ATP2B2: variants seen among roughly 807,000 people sequenced by gnomAD.
The protein encoded by ATP2B2 is plasma membrane calcium-transporting ATPase 2.
A neutral mutation model predicts 120.0 loss-of-function variants in ATP2B2; 15 were observed. That is an observed-to-expected ratio of 0.12 (90% CI 0.08 to 0.19). ATP2B2 has a LOEUF of 0.19. Among genes scored for constraint, ATP2B2 ranks in the 10% least tolerant of loss-of-function variants. The pLI is 1.00. For missense variants in ATP2B2, 1,045 were observed against 1,719.8 expected (o/e 0.61, Z 6.94); for synonymous variants, 694 against 700.3 (o/e 0.99, Z 0.14).
At chr3:10,388,117 A>G in intron 6 of ATP2B2, 160 bp downstream of exon 6, 1 of 1,002,422 alleles carries the variant, frequency 1.0e-6, no homozygotes, top group East Asian at 2.5e-5. Context: ...GACAGAGCCT[A>G]CCTGGCCCAT....
chr3:10,540,337 A>AATACC (rs1018448195), intron 2 of ATP2B2, among the ~76,000 whole-genome samples: 3 of 152,234 alleles, frequency 2.0e-5, no homozygotes, highest in African/African-American at 7.2e-5. Flanking sequence ...TAGAACTAGA[A>AATACC]ATACCATTTG....
chr3:10,488,211 A>G (rs1343061852), intron 1 of ATP2B2, among the ~76,000 whole-genome samples: 8 of 146,724 alleles, frequency 5.5e-5, no homozygotes, highest in Non-Finnish European at 1.2e-4. Flanking sequence ...CTATCCATCC[A>G]TCCATCCATC....
chr3:10,371,745 C>T (rs2061248569), intron 12 of ATP2B2, 64 bp downstream of exon 12: 1 of 1,612,738 alleles, frequency 6.2e-7, no homozygotes, highest in Non-Finnish European at 8.5e-7. Flanking sequence ...TCAACCTGCC[C>T]AGTACCTCTG....
At chr3:10,491,589 G>A (rs2065938189) in intron 1 of ATP2B2, among the ~76,000 whole-genome samples, 1 of 151,924 alleles carries the variant, frequency 6.6e-6, no homozygotes, top group South Asian at 2.1e-4. Flanking sequence ...CAGTAGGGCT[G>A]GCAGCAACAA....
chr3:10,587,085 G>A (rs1315749875), intron 2 of ATP2B2, among the ~76,000 whole-genome samples: 1 of 152,142 alleles, frequency 6.6e-6, no homozygotes, highest in African/African-American at 2.4e-5. Context: ...CTTGAGTCCA[G>A]GAGTTAGAGA....
At chr3:10,414,560 G>C (rs1308232624) in intron 2 of ATP2B2, among the ~76,000 whole-genome samples, 1 of 152,238 alleles carries the variant, frequency 6.6e-6, no homozygotes, top group Non-Finnish European at 1.5e-5. Flanking sequence ...TGTGGGCCCA[G>C]TGTGGCAGAT....
At chr3:10,632,293 G>A (rs2069887225) in intron 1 of ATP2B2, among the ~76,000 whole-genome samples, 1 of 152,192 alleles carries the variant, frequency 6.6e-6, no homozygotes, top group Non-Finnish European at 1.5e-5. Context: ...TACTCCCATA[G>A]AGAGGCCGCA....
Position 10,585,564 on chromosome 3 carries a change from C to G in ATP2B2, c.-415+34353G>C, listed in dbSNP as rs115968116. Among the ~76,000 whole-genome samples, 678 of 150,804 alleles carry G rather than the reference C, an allele frequency of 4.5e-3. 6 individuals carry two copies. The highest frequency in any genetic ancestry group is 0.015 in the African/African-American group (621 of 40,986). ...GCTGACCTGCAAGACCCGACTCTAC[C>G]CATCTCTGCAGCTTCTCCTGTGCCT... is the stretch of plus-strand genomic sequence containing the variant. On this transcript the variant is annotated intron_variant, in intron 2 of 21. Coordinates refer to the ATP2B2 transcript ENST00000646379.
intron 1 of ATP2B2, among the ~76,000 whole-genome samples, chr3:10,671,787 G>A (rs2071103462): frequency 6.6e-6 from 1 of 152,080 alleles, no homozygotes; most frequent in African/African-American, 2.4e-5. Context: ...CCTAGTGTGG[G>A]GTGAGGTGAT....
Position 10,403,624 on chromosome 3 carries a change from A to T in ATP2B2, c.398-1276T>A, listed in dbSNP as rs9841364. Among the ~76,000 whole-genome samples the T allele has an allele frequency of 3.0e-4, 46 of 152,062 alleles. No individual in the cohort carries two copies. The East Asian group carries it at 3.3e-3, about 11-fold the overall frequency. On this transcript the variant is annotated intron_variant, in intron 3 of 22. Coordinates refer to ENST00000360273, the MANE Select transcript of ATP2B2 (RefSeq NM_001001331.4). ...TGGGACCTGGGGAGCGGCCATTTCC[A>T]TGGAAAGGAATCTCCAGCAGCATCG...
chr3:10,659,165 GCT>G (rs2070715617), intron 1 of ATP2B2, among the ~76,000 whole-genome samples: 3 of 152,130 alleles, frequency 2.0e-5, no homozygotes, highest in Non-Finnish European at 4.4e-5. Context: ...GACCATCGAT[GCT>G]AGGAAGAAAC....
intron 2 of ATP2B2, among the ~76,000 whole-genome samples, chr3:10,448,032 G>A (rs1160707337): frequency 6.6e-6 from 1 of 152,256 alleles, no homozygotes. Flanking sequence ...GTGTAGTGGA[G>A]TGTAGGCACA....
chr3:10,378,842 C>T (rs563442530), intron 9 of ATP2B2, among the ~76,000 whole-genome samples: 61 of 152,268 alleles, frequency 4.0e-4, no homozygotes, highest in African/African-American at 1.0e-3. Flanking sequence ...AGGCTTAGAA[C>T]GTAAAAGAGG....
chr3:10,540,042 T>C (rs1431452199), intron 2 of ATP2B2, among the ~76,000 whole-genome samples: 1 of 151,946 alleles, frequency 6.6e-6, no homozygotes. Context: ...AACAACCCCA[T>C]CAAAAAGTGG....
intron 2 of ATP2B2, among the ~76,000 whole-genome samples, chr3:10,441,339 A>C (rs1436193990): frequency 6.6e-6 from 1 of 152,176 alleles, no homozygotes. Flanking sequence ...TCCCGGGTTC[A>C]AGTGATTCTT....
At chr3:10,566,990 G>A (rs1024188395) in intron 2 of ATP2B2, among the ~76,000 whole-genome samples, 4 of 152,206 alleles carry the variant, frequency 2.6e-5, no homozygotes, top group African/African-American at 9.6e-5. Context: ...TTGTATGATA[G>A]GTCTTCAATG....
intron 3 of ATP2B2, among the ~76,000 whole-genome samples, chr3:10,519,262 G>C (rs145932978): frequency 5.3e-5 from 8 of 152,326 alleles, no homozygotes; most frequent in Admixed American, 2.6e-4. Context: ...TGCCCTGTTT[G>C]TTTCCTGCCT....
intron 1 of ATP2B2, among the ~76,000 whole-genome samples, chr3:10,642,008 C>A (rs56350332): frequency 5.8e-3 from 66 of 11,390 alleles, no homozygotes; most frequent in Admixed American, 0.034. Flanking sequence ...ACCCATCCAC[C>A]CATCCACCCA....
chr3:10,602,575 T>C (rs956157210), intron 2 of ATP2B2, among the ~76,000 whole-genome samples: 2 of 152,214 alleles, frequency 1.3e-5, no homozygotes, highest in African/African-American at 4.8e-5. Flanking sequence ...CATAGGATGA[T>C]TTTTATTTCT....
Sources: allele counts gnomAD v4.1 joint callset (sites outside exome capture counted in the v4.1 genomes callset), GRCh38; gene constraint gnomAD v4.1.1; transcripts MANE v1.5; gene names NCBI Gene and HGNC (gene_info 2026-07-23, HGNC 2026-07-21).